SAMMSON: variants seen among roughly 807,000 people sequenced by gnomAD.
SAMMSON encodes the protein long intergenic non-protein coding RNA 1212.
chr3:70,269,055 C>T (rs1701950781), intron 6 of SAMMSON, among the ~76,000 whole-genome samples: 1 of 151,854 alleles, frequency 6.6e-6, no homozygotes, highest in Non-Finnish European at 1.5e-5. Context: ...ATTATTGTCC[C>T]TTTATCAACC....
intron 4 of SAMMSON, chr3:70,196,850 A>G (rs1174944188): frequency 2.5e-6 from 1 of 397,958 alleles, no homozygotes; most frequent in African/African-American, 2.1e-5. Context: ...ATTTCAGCAC[A>G]TGGAAATCAG....
intron 4 of SAMMSON, among the ~76,000 whole-genome samples, chr3:70,154,494 GACTAT>G (rs2067584204): frequency 6.6e-6 from 1 of 152,008 alleles, no homozygotes; most frequent in East Asian, 1.9e-4. Flanking sequence ...ACTAACAAGA[GACTAT>G]ACTTGAATTG....
intron 4 of SAMMSON, among the ~76,000 whole-genome samples, chr3:70,178,202 C>T (rs1286935800): frequency 6.6e-6 from 1 of 152,098 alleles, no homozygotes; most frequent in Non-Finnish European, 1.5e-5. Flanking sequence ...GCCAGCATTT[C>T]TGTAGCCAAT....
At chr3:70,191,373 T>A (rs889676016) in intron 4 of SAMMSON, among the ~76,000 whole-genome samples, 1 of 152,204 alleles carries the variant, frequency 6.6e-6, no homozygotes, top group Non-Finnish European at 1.5e-5. Context: ...CAATTCATGC[T>A]CCTAGAACCC....
chr3:70,248,805 G>A (rs1054334859), intron 4 of SAMMSON, among the ~76,000 whole-genome samples: 1 of 152,118 alleles, frequency 6.6e-6, no homozygotes, highest in Admixed American at 6.6e-5. Flanking sequence ...ATAGTATTGA[G>A]TAGGCTACCA....
intron 7 of SAMMSON, among the ~76,000 whole-genome samples, chr3:70,299,761 A>G (rs1702328855): frequency 6.6e-6 from 1 of 152,118 alleles, no homozygotes; most frequent in African/African-American, 2.4e-5. Context: ...TCTTTTCTAA[A>G]GCACAGAGCT....
chr3:70,124,684 G>A (rs1395716476), intron 4 of SAMMSON, among the ~76,000 whole-genome samples: 8 of 151,328 alleles, frequency 5.3e-5, no homozygotes, highest in Non-Finnish European at 8.9e-5. Flanking sequence ...GTGTGGTGGC[G>A]GGCGCCTGTA....
At chr3:70,153,346 G>A (rs1159712748) in intron 4 of SAMMSON, among the ~76,000 whole-genome samples, 2 of 152,046 alleles carry the variant, frequency 1.3e-5, no homozygotes, top group African/African-American at 4.8e-5. Context: ...CAATGTCAGT[G>A]AAATTTTCCC....
At chr3:70,384,597 C>A (rs772230691) in intron 9 of SAMMSON, among the ~76,000 whole-genome samples, 5 of 152,030 alleles carry the variant, frequency 3.3e-5, no homozygotes, top group Admixed American at 2.6e-4. Context: ...TTTCCACTGT[C>A]ATTGGCAAGT....
At chr3:70,118,607 A>G (rs2067421156) in intron 4 of SAMMSON, among the ~76,000 whole-genome samples, 1 of 152,222 alleles carries the variant, frequency 6.6e-6, no homozygotes, top group Admixed American at 6.5e-5. Flanking sequence ...TAAAACAGAA[A>G]TCTGTTCTGC....
At chr3:70,395,331 C>CTTTTTTTTTTTT (rs71126501) in intron 2 of SAMMSON, among the ~76,000 whole-genome samples, 10 of 113,614 alleles carry the variant, frequency 8.8e-5, no homozygotes, top group African/African-American at 1.0e-4. Context: ...CTCTCTCTCT[C>CTTTTTTTTTTTT]TTTTTTTTTT....
At chr3:70,264,492 A>G (rs759335718) in intron 6 of SAMMSON, among the ~76,000 whole-genome samples, 1 of 152,266 alleles carries the variant, frequency 6.6e-6, no homozygotes, top group Non-Finnish European at 1.5e-5. Context: ...CATGACCAGC[A>G]TATTCTCTCC....
chr3:70,317,126 C>G (rs1702500920), intron 7 of SAMMSON, among the ~76,000 whole-genome samples: 1 of 152,030 alleles, frequency 6.6e-6, no homozygotes, highest in Admixed American at 6.6e-5. Flanking sequence ...TTTACATGCT[C>G]TCTCCTTTGT....
At chr3:70,063,430 A>G (rs893340479) in intron 3 of SAMMSON, among the ~76,000 whole-genome samples, 2 of 152,116 alleles carry the variant, frequency 1.3e-5, no homozygotes, top group African/African-American at 4.8e-5. Flanking sequence ...GATGCAGCAC[A>G]TATTCCCAGT....
At chr3:70,068,665 A>ATATTTCT (rs2067218960) in intron 3 of SAMMSON, 1 of 152,106 alleles carries the variant, frequency 6.6e-6, no homozygotes. Flanking sequence ...GAGGGATGAA[A>ATATTTCT]TATTTCTTCT....
At chr3:70,224,451 T>G (rs2106739241) in intron 4 of SAMMSON, among the ~76,000 whole-genome samples, 2 of 152,332 alleles carry the variant, frequency 1.3e-5, no homozygotes, top group South Asian at 4.1e-4. Context: ...AAGGTGGCCC[T>G]TTTTTAAAGA....
At chr3:70,253,112 C>T (rs1701785104) in intron 6 of SAMMSON, among the ~76,000 whole-genome samples, 2 of 152,058 alleles carry the variant, frequency 1.3e-5, no homozygotes, top group South Asian at 4.2e-4. Context: ...AAACTAATAC[C>T]TAAAATAAAA....
intron 7 of SAMMSON, among the ~76,000 whole-genome samples, chr3:70,330,628 T>C (rs1412838635): frequency 2.6e-5 from 4 of 152,110 alleles, no homozygotes; most frequent in African/African-American, 4.8e-5. Context: ...TTGATAATTA[T>C]GTCCTATAAT....
intron 2 of SAMMSON, among the ~76,000 whole-genome samples, chr3:70,410,361 A>T (rs1701208368): frequency 6.6e-6 from 1 of 152,258 alleles, no homozygotes; most frequent in East Asian, 1.9e-4. Flanking sequence ...CTCTCTAATC[A>T]TTGCTCTTGG....
Sources: allele counts gnomAD v4.1 joint callset (sites outside exome capture counted in the v4.1 genomes callset), GRCh38; gene constraint gnomAD v4.1.1; transcripts MANE v1.5; gene names NCBI Gene and HGNC (gene_info 2026-07-23, HGNC 2026-07-21).